CRIM1: variants seen among roughly 807,000 people sequenced by gnomAD.
CRIM1 encodes cysteine-rich motor neuron 1 protein.
Under a neutral mutation model 116.4 loss-of-function variants are expected in CRIM1, and 32 were observed. The observed-to-expected ratio is 0.27, with a 90% CI of 0.21 to 0.37. The LOEUF is 0.37. CRIM1 is among the 10% of genes least tolerant of loss of function. CRIM1 has a pLI of 1.00. For missense variants in CRIM1, 1,331 were observed against 1,354.8 expected (o/e 0.98, Z 0.28); for synonymous variants, 590 against 509.2 (o/e 1.16, Z -2.13).
At chr2:36,426,760 C>T (rs371885566) in intron 2 of CRIM1, among the ~76,000 whole-genome samples, 5 of 152,192 alleles carry the variant, frequency 3.3e-5, no homozygotes, top group Non-Finnish European at 5.9e-5. Context: ...TCCCACAAGG[C>T]TCCTTTTTTG....
intron 1 of CRIM1, among the ~76,000 whole-genome samples, chr2:36,365,897 C>A (rs1285025389): frequency 1.3e-5 from 2 of 152,098 alleles, no homozygotes; most frequent in African/African-American, 2.4e-5. Flanking sequence ...CCACGCCCAA[C>A]TACTTTGTGT....
At chr2:36,396,249 A>C (rs970160577) in intron 1 of CRIM1, among the ~76,000 whole-genome samples, 5 of 152,186 alleles carry the variant, frequency 3.3e-5, no homozygotes, top group African/African-American at 9.7e-5. Context: ...TAGATTGACA[A>C]ATGTGACTCT....
chr2:36,471,740 C>T (rs1394571736), intron 5 of CRIM1, among the ~76,000 whole-genome samples: 1 of 147,368 alleles, frequency 6.8e-6, no homozygotes, highest in African/African-American at 2.5e-5. Flanking sequence ...CACACACACA[C>T]ACACACACAC....
At chr2:36,437,299 G>A (rs189744399) in intron 2 of CRIM1, among the ~76,000 whole-genome samples, 4 of 152,014 alleles carry the variant, frequency 2.6e-5, no homozygotes, top group South Asian at 2.1e-4. Context: ...GGCGTGAACC[G>A]GGGAGGCAGA....
intron 1 of CRIM1, among the ~76,000 whole-genome samples, chr2:36,389,315 C>T (rs891743021): frequency 3.3e-5 from 5 of 152,150 alleles, no homozygotes; most frequent in African/African-American, 1.2e-4. Context: ...AACGGAATGC[C>T]TGATAACAGC....
chr2:36,414,534 A>G (rs899334050), intron 2 of CRIM1, among the ~76,000 whole-genome samples: 9 of 152,218 alleles, frequency 5.9e-5, no homozygotes, highest in African/African-American at 2.2e-4. Flanking sequence ...AGTGGCAAAA[A>G]TAAAATTATG....
At chr2:36,474,847 CA>C (rs56084308) in intron 5 of CRIM1, among the ~76,000 whole-genome samples, 139 of 90,738 alleles carry the variant, frequency 1.5e-3, no homozygotes, top group Admixed American at 1.2e-3. Context: ...GACTCTATAT[CA>C]AAAAAAAAAA....
chr2:36,510,416 G>A (rs983431235), intron 9 of CRIM1, among the ~76,000 whole-genome samples: 2 of 152,292 alleles, frequency 1.3e-5, no homozygotes, highest in African/African-American at 4.8e-5. Context: ...TTTAGACACT[G>A]CTGGCAAGAT....
chr2:36,479,960 T>G (rs1475777534), intron 7 of CRIM1, among the ~76,000 whole-genome samples: 2 of 152,222 alleles, frequency 1.3e-5, no homozygotes, highest in Non-Finnish European at 2.9e-5. Context: ...ACATTTTAAT[T>G]AAGTTCACTT....
chr2:36,410,865 C>A (rs541375404), intron 2 of CRIM1, among the ~76,000 whole-genome samples: 50 of 152,136 alleles, frequency 3.3e-4, no homozygotes, highest in Non-Finnish European at 5.9e-4. Context: ...ATTAACGTGG[C>A]GTCTGCAAGT....
intron 4 of CRIM1, among the ~76,000 whole-genome samples, chr2:36,450,841 G>A (rs1317037213): frequency 6.6e-6 from 1 of 152,206 alleles, no homozygotes; most frequent in African/African-American, 2.4e-5. Context: ...CATTTTGTTG[G>A]TGCTGTCTTG....
chr2:36,386,426 A>G (rs898146626), intron 1 of CRIM1, among the ~76,000 whole-genome samples: 2 of 152,166 alleles, frequency 1.3e-5, no homozygotes, highest in South Asian at 2.1e-4. Flanking sequence ...AACTTGCGCT[A>G]ATATTAATAT....
chr2:36,431,261 A>G (rs182084747), intron 2 of CRIM1, among the ~76,000 whole-genome samples: 73 of 152,320 alleles, frequency 4.8e-4, no homozygotes, highest in African/African-American at 1.8e-3. Flanking sequence ...ATACACATAT[A>G]TGTATGAAAT....
At chr2:36,492,012 A>AT (rs1441928508) in intron 7 of CRIM1, among the ~76,000 whole-genome samples, 11 of 152,272 alleles carry the variant, frequency 7.2e-5, no homozygotes, top group African/African-American at 2.4e-4. Context: ...ATAAAAAAAA[A>AT]TTTTAATTTG....
chr2:36,427,234 G>T (rs1380259062), intron 2 of CRIM1, among the ~76,000 whole-genome samples: 1 of 151,936 alleles, frequency 6.6e-6, no homozygotes, highest in Non-Finnish European at 1.5e-5. Flanking sequence ...AAAAGAAGAG[G>T]AGAAAATGGG....
At chr2:36,417,709 G>A (rs1472463738) in intron 2 of CRIM1, among the ~76,000 whole-genome samples, 1 of 152,220 alleles carries the variant, frequency 6.6e-6, no homozygotes. Flanking sequence ...GAGCATTTGA[G>A]TGATAAATAA....
At chr2:36,385,756 C>T (rs982417989) in intron 1 of CRIM1, among the ~76,000 whole-genome samples, 1 of 152,204 alleles carries the variant, frequency 6.6e-6, no homozygotes. Context: ...CCTGTTTCTT[C>T]AGCTCCTCAT....
chr2:36,543,547 C>T (rs538134961), intron 14 of CRIM1, among the ~76,000 whole-genome samples: 2 of 152,260 alleles, frequency 1.3e-5, no homozygotes, highest in South Asian at 4.1e-4. Flanking sequence ...AAAGGAAATA[C>T]GTGCATGACA....
chr2:36,356,506 G>C lies in CRIM1; in HGVS notation c.214G>C (p.Glu72Gln). ...CCYTCASQRN[E>Q]SCGGTFGIYG... Reference sequence around the variant, plus strand: ...CTACACGTGCGCCAGCCAGAGGAACGAGAGCTGCGGCGGCACCTTCGGGAT... The same window carrying C: ...CTACACGTGCGCCAGCCAGAGGAACCAGAGCTGCGGCGGCACCTTCGGGAT... Residue 72 changes from glutamate (E) to glutamine (Q), a missense_variant, in exon 1 of 17, where the codon GAG (glutamate) becomes CAG (glutamine). Physicochemically the swap from Glu to Gln is conservative, Grantham distance 29. Coordinates refer to ENST00000280527, the MANE Select transcript of CRIM1 (RefSeq NM_016441.3). This position sits in a 1 kb window ranked among gnomAD's most constrained non-coding sequence, Gnocchi z 4.3. The C allele has an allele frequency of 6.2e-7, 1 of 1,612,924 alleles. No individual in the cohort carries two copies. Among genetic ancestry groups the C allele is most frequent in the Non-Finnish European group, 8.5e-7 (1 of 1,179,866 alleles).
Sources: gnomAD v4.1 joint callset for allele counts (sites outside exome capture counted in the v4.1 genomes callset) on GRCh38, gnomAD v4.1.1 for gene constraint, Gnocchi (gnomAD v3.1) non-coding constraint, MANE v1.5 for transcripts, NCBI Gene and HGNC (gene_info 2026-07-23, HGNC 2026-07-21) for gene names.